Variants in GPSM2 observed in about 807,000 individuals in gnomAD.
GPSM2 encodes the protein G protein-signaling modulator 2.
In GPSM2, 58 loss-of-function variants were observed where a neutral mutation model predicts 78.4. That is an observed-to-expected ratio of 0.74 (90% CI 0.60 to 0.92). The LOEUF (loss-of-function observed/expected upper bound fraction) is 0.92. GPSM2 is among the 40% of genes least tolerant of loss of function. GPSM2 has a pLI of 0.00. For missense variants in GPSM2, 700 were observed against 815.5 expected (o/e 0.86, Z 1.73); for synonymous variants, 224 against 280.2 (o/e 0.80, Z 2.00).
At chr1:108,885,951 C>G (rs983784936) in intron 2 of GPSM2, among the ~76,000 whole-genome samples, 6 of 151,946 alleles carry the variant, frequency 3.9e-5, no homozygotes, top group Non-Finnish European at 5.9e-5. Context: ...TTAATGTGAT[C>G]TTTTAGACAT....
At chr1:108,892,877 C>CT (rs1648070816) in intron 2 of GPSM2, among the ~76,000 whole-genome samples, 1 of 152,138 alleles carries the variant, frequency 6.6e-6, no homozygotes, top group Admixed American at 6.5e-5. Context: ...CTGAATCTAT[C>CT]TAAGAATTAA....
At position 108,931,740 on chromosome 1, in the gene GPSM2, G is replaced by A. The variant is rs963632161; in HGVS notation, c.*1800G>A. On this transcript the variant is annotated 3_prime_UTR_variant, in exon 15 of 15. Transcript: ENST00000264126. ...TAAAAACTCAGGTAAGTTTCATGGGGTTCTTATAAGAAAATTCAGTTAAGA... is the reference window on the plus strand; with the variant it reads ...TAAAAACTCAGGTAAGTTTCATGGGATTCTTATAAGAAAATTCAGTTAAGA... The A allele has an allele frequency of 3.2e-6, 1 of 314,656 alleles. No individual in the cohort carries two copies. The highest frequency in any genetic ancestry group is 2.2e-5 in the African/African-American group (1 of 45,990). The allele number at this position is 314,656 out of a possible 1,614,324, so 19.5% of individuals were successfully genotyped here. A position where few individuals can be genotyped will look rare whatever the true frequency, so the allele number is the denominator to read the frequency against.
intron 11 of GPSM2, 88 bp downstream of exon 11, chr1:108,914,496 G>T (rs1329004298): frequency 3.0e-6 from 3 of 998,220 alleles, no homozygotes; most frequent in Non-Finnish European, 4.6e-6. Flanking sequence ...TTTAAATAAG[G>T]CTTGCCCTAT....
At chr1:108,887,149 A>G (rs1647622524) in intron 2 of GPSM2, among the ~76,000 whole-genome samples, 1 of 152,152 alleles carries the variant, frequency 6.6e-6, no homozygotes, top group Non-Finnish European at 1.5e-5. Context: ...TGGCCTCCCA[A>G]AGTGCTGGGA....
rs1651998329 is a variant in GPSM2, at chr1:108,931,659, C to G, written c.*1719C>G. ...AAAAAAAAAAGTTCTAAATTACAAC[C>G]TGGATTACATTATGTTTCATGTATA... On this transcript the variant is annotated 3_prime_UTR_variant, in exon 15 of 15. Transcript: ENST00000264126. 1.1e-6 allele frequency: 1 copy of G among 898,210 alleles called. No homozygotes were observed. Among genetic ancestry groups the G allele is most frequent in the East Asian group, 2.9e-5 (1 of 34,478 alleles). 55.6% of individuals were successfully genotyped at this position (898,210 alleles called of 1,614,324 possible). A position where few individuals can be genotyped will look rare whatever the true frequency, so the allele number is the denominator to read the frequency against.
chr1:108,922,871 T>C (rs1031953013), intron 13 of GPSM2, among the ~76,000 whole-genome samples: 1 of 152,126 alleles, frequency 6.6e-6, no homozygotes, highest in African/African-American at 2.4e-5. Context: ...GGTGCATGCC[T>C]GTAATCTCAG....
In GPSM2 at chr1:108,885,137, G is replaced by A. The variant is rs75488935; in HGVS notation, c.-248-138G>A. The stretch of plus-strand genomic sequence containing the variant: ...TTAGAAGCTCCATGATGACAGTTAA[G>A]CCCTGTGCTATCTTCTGTATTGATT... On this transcript the variant is annotated intron_variant, in intron 1 of 14. Coordinates refer to ENST00000264126, the MANE Select transcript of GPSM2 (RefSeq NM_013296.5). The A allele has an allele frequency of 3.2e-3, 514 of 160,784 alleles. 5 individuals carry two copies. Among genetic ancestry groups the A allele is most frequent in the Non-Finnish European group, 3.6e-3 (265 of 73,424 alleles). 10.0% of individuals were successfully genotyped at this position (160,784 alleles called of 1,614,324 possible).
chr1:108,896,898 G>A lies in GPSM2; in HGVS notation c.91G>A (p.Gly31Arg). 6.2e-7 allele frequency: 1 copy of A among 1,614,124 alleles called. No individual in the cohort carries two copies. The highest frequency in any genetic ancestry group is 8.5e-7 in the Non-Finnish European group (1 of 1,179,946). ...EASCLELALE[G>R]ERLCKSGDCR... ...TTCTTGCCTAGAGCTGGCCTTGGAA[G>A]GGGAACGTCTATGTAAATCAGGAGA... Residue 31 changes from glycine to arginine, a missense_variant, in exon 3 of 15, where the codon GGG (glycine) becomes AGG (arginine). Coordinates refer to ENST00000264126, the MANE Select transcript of GPSM2 (RefSeq NM_013296.5).
At chr1:108,878,345 C>T (rs1665732426) in intron 1 of GPSM2, among the ~76,000 whole-genome samples, 1 of 152,056 alleles carries the variant, frequency 6.6e-6, no homozygotes. Context: ...AAGCTATTTC[C>T]CAGGCTATTA....
chr1:108,891,617 C>T (rs941619430), intron 2 of GPSM2, among the ~76,000 whole-genome samples: 2 of 151,852 alleles, frequency 1.3e-5, no homozygotes, highest in African/African-American at 4.8e-5. Flanking sequence ...ACCTCAGCCT[C>T]CCGAGTAGCT....
intron 1 of GPSM2, chr1:108,877,760 G>C (rs1206218381): frequency 1.3e-5 from 2 of 152,044 alleles, no homozygotes; most frequent in Admixed American, 1.3e-4. Flanking sequence ...GAAATTGGTA[G>C]TTGCTGCAAA....
intron 11 of GPSM2, 73 bp from the exon 12 acceptor site, chr1:108,918,540 A>G: frequency 1.8e-6 from 2 of 1,107,440 alleles, no homozygotes; most frequent in Non-Finnish European, 2.8e-6. Context: ...TCAGGTTAAT[A>G]TTATGGGAAA....
Position 108,898,049 on chromosome 1 carries a change from G to A in GPSM2, c.505G>A (p.Glu169Lys), listed in dbSNP as rs775142959. The change falls in exon 5 of 15, where the codon GAA becomes AAA. Residue 169 changes from glutamate to lysine, a missense_variant. By Grantham distance (56) the Glu-to-Lys change is moderately conservative (BLOSUM62 1). Coordinates refer to ENST00000264126, the MANE Select transcript of GPSM2 (RefSeq NM_013296.5). The stretch of plus-strand genomic sequence containing the variant: ...TTGCCCTGGTCCCCAGGATGTAGGA[G>A]AATTTCCAGAAGAAGTGAGAGATGC... ...FGCPGPQDVGEFPEEVRDALQ... is the reference protein window; with the variant it reads ...FGCPGPQDVGKFPEEVRDALQ... 5.9e-5 allele frequency: 96 copies of A among 1,613,964 alleles called. 1 individual carries two copies. In the Admixed American group the frequency reaches 1.6e-3, roughly 27 times the overall value.
At position 108,922,581 on chromosome 1, in the gene GPSM2, G is replaced by C. The variant is rs562055282; in HGVS notation, c.1600+5G>C. The C allele has an allele frequency of 6.2e-7, 1 of 1,607,956 alleles. No homozygotes were observed. The highest frequency in any genetic ancestry group is 1.1e-5 in the South Asian group (1 of 90,952). On this transcript the variant is annotated splice_donor_5th_base_variant and intron_variant, in intron 13 of 14. Transcript: ENST00000264126. ...CCCCTAAAATGATGCTAAAAAGTAAGTCATCTCTGTTTCTCCCCCGATTTT... is the reference window on the plus strand; with the variant it reads ...CCCCTAAAATGATGCTAAAAAGTAACTCATCTCTGTTTCTCCCCCGATTTT...
chr1:108,929,878 T>C lies in GPSM2; in HGVS notation c.1993T>C (p.Phe665Leu). The C allele has an allele frequency of 6.2e-7, 1 of 1,613,802 alleles. No homozygotes were observed. The highest frequency in any genetic ancestry group is 2.2e-5 in the East Asian group (1 of 44,862). ...NRDTDFGLKD[F>L]LQNNALLEFK... ...AGACACTGACTTTGGGCTAAAGGAC[T>C]TTTTGCAAAATAATGCTTTGTTGGA... The change falls in exon 15 of 15, where the codon TTT (phenylalanine) becomes CTT (leucine). Residue 665 changes from phenylalanine (F) to leucine (L), a missense_variant. Transcript: ENST00000264126.
At position 108,914,420 on chromosome 1, in the gene GPSM2, G is replaced by A; in HGVS notation, c.1263+12G>A. The A allele has an allele frequency of 6.5e-7, 1 of 1,542,600 alleles. No homozygotes were observed. Among genetic ancestry groups the A allele is most frequent in the Non-Finnish European group, 9.0e-7 (1 of 1,116,006 alleles). On this transcript the variant is annotated intron_variant, in intron 11 of 14. Coordinates refer to ENST00000264126, the MANE Select transcript of GPSM2 (RefSeq NM_013296.5). ...TAACACCAGAAAAGGTGGGTGGCAGGTTTTATGTTTTAAATTTCATGAACT... is the reference window on the plus strand; with the variant it reads ...TAACACCAGAAAAGGTGGGTGGCAGATTTTATGTTTTAAATTTCATGAACT...
At chr1:108,898,444 T>G (rs1275974809) in intron 5 of GPSM2, among the ~76,000 whole-genome samples, 198 bp from the exon 6 acceptor site, 2 of 152,212 alleles carry the variant, frequency 1.3e-5, no homozygotes, top group African/African-American at 4.8e-5. Flanking sequence ...GGCAGAAACC[T>G]ATCTGAATAG....
Position 108,924,039 on chromosome 1 carries a change from T to G in GPSM2, c.1640T>G (p.Phe547Cys), listed in dbSNP as rs1285872676. Reference sequence around the variant, plus strand: ...GTGGTATCCCCCAACACGGATGAGTTTTTAGATCTTCTTGCCAGCTCACAG... The same window carrying G: ...GTGGTATCCCCCAACACGGATGAGTGTTTAGATCTTCTTGCCAGCTCACAG... ...VPVVSPNTDE[F>C]LDLLASSQSR... is the part of the protein sequence containing the mutation. The change falls in exon 14 of 15, where the codon TTT becomes TGT. Residue 547 changes from phenylalanine to cysteine, a missense_variant. Phe to Cys is a radical substitution (Grantham distance 205). Coordinates refer to ENST00000264126, the MANE Select transcript of GPSM2 (RefSeq NM_013296.5). 6 of 1,613,276 alleles carry G rather than the reference T, an allele frequency of 3.7e-6. No individual in the cohort carries two copies. Among genetic ancestry groups the G allele is most frequent in the Non-Finnish European group, 5.1e-6 (6 of 1,179,322 alleles).
intron 2 of GPSM2, among the ~76,000 whole-genome samples, chr1:108,892,742 A>G (rs927351892): frequency 6.6e-6 from 1 of 152,196 alleles, no homozygotes; most frequent in African/African-American, 2.4e-5. Flanking sequence ...GTTACTATTT[A>G]ATGATCTTCT....
Sources: gnomAD v4.1 joint callset for allele counts (sites outside exome capture counted in the v4.1 genomes callset) on GRCh38, gnomAD v4.1.1 for gene constraint, MANE v1.5 for transcripts, NCBI Gene and HGNC (gene_info 2026-07-23, HGNC 2026-07-21) for gene names.